NEDD4L: variants seen among roughly 807,000 people sequenced by gnomAD.
The protein encoded by NEDD4L is E3 ubiquitin-protein ligase NEDD4-like.
Under a neutral mutation model 148.9 loss-of-function variants are expected in NEDD4L, and 54 were observed. That is an observed-to-expected ratio of 0.36 (90% CI 0.29 to 0.45). The LOEUF (loss-of-function observed/expected upper bound fraction) is 0.45, where lower values mean the gene tolerates loss of function less well. NEDD4L is among the 20% of genes least tolerant of loss of function. NEDD4L has a pLI of 1.00. For synonymous variants in NEDD4L, 433 were observed against 440.7 expected (o/e 0.98, Z 0.22); for missense variants, 856 against 1,233.8 (o/e 0.69, Z 4.59).
At chr18:58,215,434 C>A (rs1176325133) in intron 2 of NEDD4L, among the ~76,000 whole-genome samples, 1 of 152,194 alleles carries the variant, frequency 6.6e-6, no homozygotes, top group Non-Finnish European at 1.5e-5. Context: ...CAACTCACAT[C>A]CTTCTGTCAA....
intron 30 of NEDD4L, among the ~76,000 whole-genome samples, chr18:58,393,300 G>A (rs1239229117): frequency 6.6e-6 from 1 of 152,186 alleles, no homozygotes; most frequent in South Asian, 2.1e-4. Context: ...GAACCATCTA[G>A]AGAGCCTTAA....
intron 12 of NEDD4L, among the ~76,000 whole-genome samples, chr18:58,334,510 T>C (rs1476165283): frequency 2.0e-5 from 3 of 152,236 alleles, no homozygotes. Context: ...CCCTGAGAGA[T>C]GTTTGATGTA....
chr18:58,291,367 G>A lies in NEDD4L; in HGVS notation c.298-24615G>A, dbSNP rs952528068. 2.6e-5 allele frequency among the ~76,000 whole-genome samples: 4 copies of A among 152,356 alleles called. No individual in the cohort carries two copies. In the South Asian group the frequency reaches 6.2e-4, roughly 24 times the overall value. ...CCTGACCACAAGGATGCTGGAAAGT[G>A]TAGTCATCTTTTCTCTGTGCCTGGA... On this transcript the variant is annotated intron_variant, in intron 5 of 30. Transcript: ENST00000400345.
chr18:58,168,679 A>G (rs989911983), intron 2 of NEDD4L, among the ~76,000 whole-genome samples: 1 of 152,094 alleles, frequency 6.6e-6, no homozygotes, highest in African/African-American at 2.4e-5. Context: ...CAGACACCTC[A>G]TTCTCCCTTG....
At chr18:58,212,834 G>A (rs1948199287) in intron 2 of NEDD4L, among the ~76,000 whole-genome samples, 1 of 152,102 alleles carries the variant, frequency 6.6e-6, no homozygotes, top group Non-Finnish European at 1.5e-5. Context: ...AGATCAAGAA[G>A]GGATATTTGA....
intron 5 of NEDD4L, among the ~76,000 whole-genome samples, chr18:58,302,925 A>G (rs2056663213): frequency 6.6e-6 from 1 of 152,248 alleles, no homozygotes; most frequent in African/African-American, 2.4e-5. Context: ...TGCTTTCCTC[A>G]TCTCTTCTAC....
intron 1 of NEDD4L, among the ~76,000 whole-genome samples, chr18:58,051,766 A>G (rs2081883009): frequency 6.6e-6 from 1 of 152,216 alleles, no homozygotes; most frequent in Non-Finnish European, 1.5e-5. Flanking sequence ...TTAGCGATAA[A>G]GCAAACTATA....
At chr18:58,385,328 T>G (rs1444628228) in intron 25 of NEDD4L, among the ~76,000 whole-genome samples, 198 bp from the exon 26 acceptor site, 2 of 152,122 alleles carry the variant, frequency 1.3e-5, no homozygotes, top group Non-Finnish European at 2.9e-5. Flanking sequence ...AAATCTCCAG[T>G]GAGATTTTAG....
At chr18:58,280,191 A>G (rs1441650738) in intron 5 of NEDD4L, among the ~76,000 whole-genome samples, 2 of 152,118 alleles carry the variant, frequency 1.3e-5, no homozygotes, top group African/African-American at 4.8e-5. Context: ...ACGTGGCTGC[A>G]TCGCTTTTAA....
chr18:58,219,853 T>G (rs1409928946), intron 2 of NEDD4L, among the ~76,000 whole-genome samples: 1 of 151,930 alleles, frequency 6.6e-6, no homozygotes, highest in African/African-American at 2.4e-5. Flanking sequence ...GCTTTTTATC[T>G]TTAAGGGAAT....
intron 1 of NEDD4L, among the ~76,000 whole-genome samples, chr18:58,060,657 A>G (rs1332716503): frequency 1.3e-5 from 2 of 152,126 alleles, no homozygotes; most frequent in East Asian, 3.9e-4. Flanking sequence ...GGTAGATGGG[A>G]GGAGGGGAAG....
chr18:58,139,411 A>G (rs191842833), intron 1 of NEDD4L, among the ~76,000 whole-genome samples: 50 of 152,180 alleles, frequency 3.3e-4, no homozygotes, highest in Non-Finnish European at 5.4e-4. Flanking sequence ...TGGCAGGGAA[A>G]AAAATTGGGC....
At chr18:58,235,959 G>T (rs1342316575) in intron 2 of NEDD4L, among the ~76,000 whole-genome samples, 1 of 152,128 alleles carries the variant, frequency 6.6e-6, no homozygotes, top group Non-Finnish European at 1.5e-5. Context: ...CTTGAACCTG[G>T]GAGGCGGAGG....
chr18:58,386,861 T>C (rs1314642563), intron 26 of NEDD4L, among the ~76,000 whole-genome samples: 1 of 152,138 alleles, frequency 6.6e-6, no homozygotes, highest in Non-Finnish European at 1.5e-5. Context: ...TTTATTTAGA[T>C]AAGAAATCCC....
intron 2 of NEDD4L, among the ~76,000 whole-genome samples, chr18:58,205,592 A>G (rs1381553915): frequency 6.6e-6 from 1 of 151,782 alleles, no homozygotes; most frequent in Non-Finnish European, 1.5e-5. Flanking sequence ...GGAGAGGGAA[A>G]TGAGATGATT....
chr18:58,221,524 T>A lies in NEDD4L; in HGVS notation c.123-23903T>A, dbSNP rs930803686. ...ACAAGCATTTCTTTCTACCTGTCAT[T>A]GAAGTGAATCATCAGTATAAGTAGC... On this transcript the variant is annotated intron_variant, in intron 2 of 30. Coordinates refer to ENST00000400345, the MANE Select transcript of NEDD4L (RefSeq NM_001144967.3). 6 of 984,490 alleles carry A rather than the reference T, an allele frequency of 6.1e-6. No homozygotes were observed. The African/African-American group carries it at 8.7e-5, about 14-fold the overall frequency. 61.0% of individuals were successfully genotyped at this position (984,490 alleles called of 1,614,324 possible). A position where few individuals can be genotyped will look rare whatever the true frequency, so the allele number is the denominator to read the frequency against.
intron 1 of NEDD4L, among the ~76,000 whole-genome samples, chr18:58,057,642 T>A (rs1021959317): frequency 6.6e-6 from 1 of 152,292 alleles, no homozygotes; most frequent in South Asian, 2.1e-4. Flanking sequence ...TTACTGAGAA[T>A]GTCTTTGGCA....
At chr18:58,317,915 TG>T (rs1568675733) in intron 6 of NEDD4L, among the ~76,000 whole-genome samples, 2 of 152,204 alleles carry the variant, frequency 1.3e-5, no homozygotes, top group African/African-American at 2.4e-5. Context: ...GTCAGAGAGA[TG>T]GACCACAAAG....
At chr18:58,350,547 A>G (rs1426047029) in intron 17 of NEDD4L, among the ~76,000 whole-genome samples, 1 of 152,242 alleles carries the variant, frequency 6.6e-6, no homozygotes, top group Non-Finnish European at 1.5e-5. Context: ...TTGACTAGCA[A>G]AAGTTCATGG....
Sources: gnomAD v4.1 joint callset for allele counts (sites outside exome capture counted in the v4.1 genomes callset) on GRCh38, gnomAD v4.1.1 for gene constraint, MANE v1.5 for transcripts, NCBI Gene and HGNC (gene_info 2026-07-23, HGNC 2026-07-21) for gene names.